Variants in EPS15 observed in about 807,000 individuals in gnomAD.
EPS15 encodes the protein epidermal growth factor receptor substrate 15.
EPS15 carries 72 observed loss-of-function variants against 113.8 expected under a neutral mutation model. The ratio of observed to expected loss-of-function variants is 0.63; its 90% CI spans 0.52 to 0.77. EPS15 has a LOEUF of 0.77. Among genes scored for constraint, EPS15 ranks in the 30% least tolerant of loss-of-function variants. EPS15 has a pLI of 0.00. For missense variants in EPS15, 1,048 were observed against 1,045.8 expected, an observed-to-expected ratio of 1.00 and a Z score of -0.03; for synonymous variants, 344 against 363.4, an observed-to-expected ratio of 0.95 and a Z score of 0.61.
chr1:51,494,127 GAACCTCTCCA>G (rs1411264171), intron 1 of EPS15, among the ~76,000 whole-genome samples: 1 of 152,042 alleles, frequency 6.6e-6, no homozygotes, highest in Non-Finnish European at 1.5e-5. Flanking sequence ...TTAACTTCAA[GAACCTCTCCA>G]AAACACAGGA....
intron 21 of EPS15, among the ~76,000 whole-genome samples, chr1:51,369,158 T>G (rs1317118511): frequency 6.6e-6 from 1 of 152,224 alleles, no homozygotes; most frequent in East Asian, 1.9e-4. Context: ...CACTTCTATA[T>G]GAAGAATATA....
chr1:51,369,594 A>T (rs1340884236), intron 21 of EPS15, among the ~76,000 whole-genome samples: 1 of 152,218 alleles, frequency 6.6e-6, no homozygotes, highest in Non-Finnish European at 1.5e-5. Context: ...AATAACCCTT[A>T]TGAATATTTC....
intron 8 of EPS15, among the ~76,000 whole-genome samples, chr1:51,456,848 TCAGA>T (rs1654033160): frequency 6.6e-6 from 1 of 152,138 alleles, no homozygotes; most frequent in Admixed American, 6.5e-5. Flanking sequence ...GAAAGATTTA[TCAGA>T]CAAATTCTAA....
chr1:51,372,451 A>G (rs1299930604), intron 21 of EPS15: 2 of 534,130 alleles, frequency 3.7e-6, no homozygotes, highest in Non-Finnish European at 7.6e-6. Context: ...GAAGATGACA[A>G]AAATCATTCT....
At chr1:51,420,853 T>G (rs951132877) in intron 13 of EPS15, among the ~76,000 whole-genome samples, 1 of 152,176 alleles carries the variant, frequency 6.6e-6, no homozygotes. Flanking sequence ...ATGAATGTCC[T>G]GCATCAAAAC....
intron 15 of EPS15, among the ~76,000 whole-genome samples, chr1:51,406,769 T>TA (rs1649172524): frequency 6.6e-6 from 1 of 152,176 alleles, no homozygotes; most frequent in African/African-American, 2.4e-5. Flanking sequence ...TGCTAAATGA[T>TA]ACGGATTTTT....
chr1:51,448,102 C>T lies in EPS15; in HGVS notation c.595G>A (p.Glu199Lys). Residue 199 changes from glutamate to lysine, a missense_variant, in exon 9 of 25, where the codon GAA becomes AAA. By Grantham distance (56) the Glu-to-Lys change is moderately conservative (BLOSUM62 1). Coordinates refer to ENST00000371733, the MANE Select transcript of EPS15 (RefSeq NM_001981.3). ...GGAGGCAAGGACATTGGCACAGGTTCTTTCTCCAGTGCACAGTATACCAAA... is the reference window on the plus strand; with the variant it reads ...GGAGGCAAGGACATTGGCACAGGTTTTTTCTCCAGTGCACAGTATACCAAA... ...MFLVYCALEK[E>K]PVPMSLPPAL... is the part of the protein sequence containing the mutation. 6.2e-7 allele frequency: 1 copy of T among 1,613,686 alleles called. No homozygotes were observed. The highest frequency in any genetic ancestry group is 8.5e-7 in the Non-Finnish European group (1 of 1,179,668).
Position 51,394,390 on chromosome 1 carries a change from T to C in EPS15, c.2110A>G (p.Ser704Gly). ...FAPGGTVVAA[S>G]DSATDPFASV... ...TAAATTATTTATTTACCTGAATCGC[T>C]TGCTGCAACAACTGTTCCACCAGGA... Residue 704 changes from serine (S) to glycine (G), a missense_variant, in exon 21 of 25, where the codon AGC (serine) becomes GGC (glycine). Transcript: ENST00000371733. The C allele has an allele frequency of 6.3e-7, 1 of 1,595,628 alleles. No homozygotes were observed. The highest frequency in any genetic ancestry group is 8.6e-7 in the Non-Finnish European group (1 of 1,167,846).
At chr1:51,517,928 T>G (rs1409872960) in intron 1 of EPS15, among the ~76,000 whole-genome samples, 1 of 152,186 alleles carries the variant, frequency 6.6e-6, no homozygotes, top group African/African-American at 2.4e-5. Context: ...CAAAGCCTCT[T>G]GATTTTAAAC....
At chr1:51,460,017 TAGAA>T (rs1232812421) in intron 8 of EPS15, among the ~76,000 whole-genome samples, 4 of 152,026 alleles carry the variant, frequency 2.6e-5, no homozygotes, top group East Asian at 1.9e-4. Flanking sequence ...CAAAATATAA[TAGAA>T]AGGATAAGTA....
intron 24 of EPS15, among the ~76,000 whole-genome samples, chr1:51,358,254 G>A (rs1011240127): frequency 7.9e-5 from 12 of 152,126 alleles, no homozygotes; most frequent in Admixed American, 2.6e-4. Flanking sequence ...TCATACCACC[G>A]CTCTCCAGCC....
At chr1:51,415,595 G>A (rs944278920) in intron 13 of EPS15, among the ~76,000 whole-genome samples, 6 of 151,586 alleles carry the variant, frequency 4.0e-5, no homozygotes, top group Non-Finnish European at 8.8e-5. Context: ...TCAGAAGTTC[G>A]AGACCAGCCT....
chr1:51,356,947 G>A, intron 24 of EPS15, 101 bp from the exon 25 acceptor site: 3 of 920,622 alleles, frequency 3.3e-6, no homozygotes, highest in Non-Finnish European at 4.8e-6. Flanking sequence ...GAAGGACTCT[G>A]GAAATAGTCT....
chr1:51,411,803 T>C (rs2148435404), intron 13 of EPS15, among the ~76,000 whole-genome samples: 1 of 152,306 alleles, frequency 6.6e-6, no homozygotes, highest in South Asian at 2.1e-4. Flanking sequence ...GTCTGGCGAT[T>C]CCTCAAGGAT....
intron 2 of EPS15, among the ~76,000 whole-genome samples, chr1:51,474,589 T>G (rs1655471310): frequency 6.6e-6 from 1 of 152,252 alleles, no homozygotes; most frequent in Non-Finnish European, 1.5e-5. Context: ...TTTAATGTTC[T>G]ATTTTCTAAT....
intron 1 of EPS15, among the ~76,000 whole-genome samples, chr1:51,496,051 C>T (rs1315599441): frequency 6.6e-6 from 1 of 152,210 alleles, no homozygotes; most frequent in Non-Finnish European, 1.5e-5. Flanking sequence ...TGTTTCACAG[C>T]TTCATAACAA....
intron 21 of EPS15, among the ~76,000 whole-genome samples, chr1:51,388,337 TTATAGCAC>T (rs1251585909): frequency 1.3e-5 from 2 of 152,116 alleles, no homozygotes; most frequent in Non-Finnish European, 2.9e-5. Flanking sequence ...AGAGGGAAAT[TTATAGCAC>T]TAAATGCCCA....
chr1:51,439,290 T>G (rs1212977025), intron 12 of EPS15, among the ~76,000 whole-genome samples: 2 of 152,074 alleles, frequency 1.3e-5, no homozygotes, highest in Admixed American at 1.3e-4. Context: ...GTTTAGTTCT[T>G]TCTTACAACT....
chr1:51,385,286 T>C (rs1269628336), intron 21 of EPS15, among the ~76,000 whole-genome samples: 1 of 152,094 alleles, frequency 6.6e-6, no homozygotes, highest in Non-Finnish European at 1.5e-5. Flanking sequence ...CCATAGAAGA[T>C]ATACAAATAG....
Sources: gnomAD v4.1 joint callset for allele counts (sites outside exome capture counted in the v4.1 genomes callset) on GRCh38, gnomAD v4.1.1 for gene constraint, MANE v1.5 for transcripts, NCBI Gene and HGNC (gene_info 2026-07-23, HGNC 2026-07-21) for gene names.